The following KLHL13 variants were observed in gnomAD, a reference collection of about 807,000 sequenced individuals.
KLHL13 encodes the protein kelch-like protein 13.
A neutral mutation model predicts 37.1 loss-of-function variants in KLHL13; 10 were observed. The ratio of observed to expected loss-of-function variants is 0.27; its 90% CI spans 0.17 to 0.46. KLHL13 has a LOEUF of 0.46. Ranked by LOEUF, KLHL13 falls within the 20% of genes least tolerant of loss-of-function variation. The pLI is 1.00. For synonymous variants in KLHL13, 163 were observed against 181.2 expected (o/e 0.90, Z 0.81); for missense variants, 360 against 509.3 (o/e 0.71, Z 2.82).
At chrX:117,907,500 A>G (rs1930628066) in intron 5 of KLHL13, among the ~76,000 whole-genome samples, 1 of 111,902 alleles carries the variant, frequency 8.9e-6, no homozygotes, top group Non-Finnish European at 1.9e-5. Flanking sequence ...GAAAATATTT[A>G]AGAAAACATT....
chrX:118,003,648 C>T (rs1344426788), intron 1 of KLHL13, among the ~76,000 whole-genome samples: 1 of 110,122 alleles, frequency 9.1e-6, no homozygotes, highest in Non-Finnish European at 1.9e-5. Flanking sequence ...AAGCAAAAAT[C>T]TCATAAATTA....
chrX:118,099,885 A>C (rs1460537858), intron 1 of KLHL13, among the ~76,000 whole-genome samples: 1 of 103,194 alleles, frequency 9.7e-6, no homozygotes, highest in Non-Finnish European at 1.9e-5. Flanking sequence ...GAAGAAAGGA[A>C]GGAAGGAAAG....
exon 3 of KLHL13, chrX:117,920,242 G>T: frequency 8.3e-7 from 1 of 1,208,867 alleles, no homozygotes; most frequent in East Asian, 3.0e-5. Context: ...AACTACCTGT[G>T]AACATAGCCT....
intron 1 of KLHL13, among the ~76,000 whole-genome samples, chrX:118,000,541 A>C (rs1017397609): frequency 8.9e-6 from 1 of 111,943 alleles, no homozygotes; most frequent in Non-Finnish European, 1.9e-5. Flanking sequence ...GATTTTGTGG[A>C]CCAATGAAAT....
At chrX:118,106,058 C>T (rs1170062166) in intron 1 of KLHL13, among the ~76,000 whole-genome samples, 5 of 102,146 alleles carry the variant, frequency 4.9e-5, no homozygotes, top group Middle Eastern at 4.8e-3. Context: ...CCTGCCACCA[C>T]GCCCAGCTAT....
rs540142386 is a variant in KLHL13, at chrX:117,924,927, T to A, written c.241-4557A>T. Among the ~76,000 whole-genome samples the A allele has an allele frequency of 3.0e-4, 33 of 111,480 alleles. No homozygotes were observed. The South Asian group carries it at 0.011, about 37-fold the overall frequency. ...TAATGTTTTAATGTTTAATGTTTAA[T>A]GTTTTTAAACATGTTTTTTCTCTTC... On this transcript the variant is annotated intron_variant, in intron 2 of 6. Coordinates refer to ENST00000262820, the Ensembl canonical transcript of KLHL13.
chrX:118,105,161 A>C (rs779303687), intron 1 of KLHL13, among the ~76,000 whole-genome samples: 2 of 112,369 alleles, frequency 1.8e-5, no homozygotes, highest in Admixed American at 1.9e-4. Flanking sequence ...TTTCAATAAG[A>C]CCTCCTTTAA....
At chrX:117,975,050 ATAAAT>A (rs1256082127), upstream of KLHL13, among the ~76,000 whole-genome samples, 1 of 111,465 alleles carries the variant, frequency 9.0e-6, no homozygotes, top group Non-Finnish European at 1.9e-5. Context: ...ATTAATACAC[ATAAAT>A]TATAGTCAAT....
intron 1 of KLHL13, among the ~76,000 whole-genome samples, chrX:117,993,058 C>A (rs986903563): frequency 1.2e-4 from 13 of 111,861 alleles, no homozygotes; most frequent in Non-Finnish European, 1.9e-4. Flanking sequence ...GAGATATGTT[C>A]CAAAGGATAT....
intron 1 of KLHL13, among the ~76,000 whole-genome samples, chrX:117,985,742 T>C (rs1009783647): frequency 2.7e-5 from 3 of 111,028 alleles, no homozygotes; most frequent in African/African-American, 9.8e-5. Context: ...ATTTGTTGTA[T>C]TATCTTTATT....
At chrX:118,048,421 T>C (rs1336716351) in intron 1 of KLHL13, among the ~76,000 whole-genome samples, 2 of 110,680 alleles carry the variant, frequency 1.8e-5, no homozygotes, top group African/African-American at 6.6e-5. Flanking sequence ...CAGGAGAGGA[T>C]AGTAGGAAAA....
chrX:117,930,314 C>CAGGCAGGCAGGCAGGA (rs1569418665), intron 2 of KLHL13, among the ~76,000 whole-genome samples: 2 of 102,431 alleles, frequency 2.0e-5, no homozygotes, highest in African/African-American at 7.3e-5. Flanking sequence ...GGCAGGCAGG[C>CAGGCAGGCAGGCAGGA]AGGCAGGAAG....
chrX:118,007,392 A>G (rs867412695), intron 1 of KLHL13, among the ~76,000 whole-genome samples: 1,745 of 103,275 alleles, frequency 0.017, 60 homozygotes, highest in African/African-American at 0.064. Flanking sequence ...AAAAAAAAAA[A>G]AGAGAGAGAG....
intron 1 of KLHL13, among the ~76,000 whole-genome samples, chrX:118,107,214 T>C (rs1265436155): frequency 8.9e-6 from 1 of 112,138 alleles, no homozygotes; most frequent in Non-Finnish European, 1.9e-5. Context: ...CCAAACAGTA[T>C]CACATTTAAA....
intron 4 of KLHL13, among the ~76,000 whole-genome samples, chrX:117,911,415 A>G (rs1018886576): frequency 9.8e-5 from 11 of 112,446 alleles, no homozygotes; most frequent in African/African-American, 3.2e-4. Flanking sequence ...TATTTTAATT[A>G]GACTTTAACT....
chrX:118,103,871 A>G (rs2055316072), intron 1 of KLHL13, among the ~76,000 whole-genome samples: 1 of 109,338 alleles, frequency 9.1e-6, no homozygotes, highest in South Asian at 4.0e-4. Flanking sequence ...TTTTAATTCC[A>G]GTTATTTCAT....
intron 1 of KLHL13, among the ~76,000 whole-genome samples, chrX:118,052,829 G>GAA (rs1207269107): frequency 3.7e-4 from 33 of 89,948 alleles, no homozygotes; most frequent in African/African-American, 9.5e-4. Context: ...GCCATCTCAA[G>GAA]AAAAAAAAAA....
rs1933269389 is a variant in KLHL13, at chrX:117,945,369, T to C, written c.240+65A>G. On this transcript the variant is annotated intron_variant, in intron 2 of 6. Coordinates refer to ENST00000262820, the Ensembl canonical transcript of KLHL13. ...CCTCCTCCACTACTGACATCCTGCATCACAAAATCCATGGTGGGTTTTTTA... is the reference window on the plus strand; with the variant it reads ...CCTCCTCCACTACTGACATCCTGCACCACAAAATCCATGGTGGGTTTTTTA... 3 of 1,092,197 alleles carry C rather than the reference T, an allele frequency of 2.7e-6. No homozygotes were observed. The African/African-American group carries it at 5.4e-5, about 20-fold the overall frequency. 90.0% of individuals were successfully genotyped at this position (1,092,197 alleles called of 1,213,427 possible). A position where few individuals can be genotyped will look rare whatever the true frequency, so the allele number is the denominator to read the frequency against.
chrX:118,016,511 A>G (rs965321204), intron 1 of KLHL13, among the ~76,000 whole-genome samples: 6 of 112,002 alleles, frequency 5.4e-5, no homozygotes, highest in Non-Finnish European at 1.1e-4. Flanking sequence ...AATAAATGGT[A>G]CAACTTCTAC....
Sources: allele counts gnomAD v4.1 joint callset (sites outside exome capture counted in the v4.1 genomes callset), GRCh38; gene constraint gnomAD v4.1.1; transcripts MANE v1.5; gene names NCBI Gene and HGNC (gene_info 2026-07-23, HGNC 2026-07-21).